Variants in EYA1 observed in about 807,000 individuals in gnomAD.
EYA1 encodes the protein protein phosphatase EYA1.
Under a neutral mutation model 82.0 loss-of-function variants are expected in EYA1, and 16 were observed. That is an observed-to-expected ratio of 0.20 (90% CI 0.13 to 0.30). EYA1 has a LOEUF of 0.30. Among genes scored for constraint, EYA1 ranks in the 10% least tolerant of loss-of-function variants. The pLI is 1.00. For missense variants in EYA1, 633 were observed against 730.7 expected (o/e 0.87, Z 1.54); for synonymous variants, 261 against 264.4 (o/e 0.99, Z 0.12).
intron 9 of EYA1, among the ~76,000 whole-genome samples, chr8:71,272,913 C>T (rs1816718309): frequency 6.6e-6 from 1 of 152,182 alleles, no homozygotes; most frequent in Admixed American, 6.5e-5. Context: ...GTCTATTTCA[C>T]TAAACAGAAA....
chr8:71,251,875 T>C (rs1246084126), intron 11 of EYA1, among the ~76,000 whole-genome samples: 2 of 152,110 alleles, frequency 1.3e-5, no homozygotes, highest in East Asian at 3.9e-4. Context: ...TAGATCTTGA[T>C]TAAAATGTTA....
intron 12 of EYA1, among the ~76,000 whole-genome samples, chr8:71,221,287 C>T (rs1809876457): frequency 6.7e-6 from 1 of 148,738 alleles, no homozygotes; most frequent in Admixed American, 6.7e-5. Flanking sequence ...CATGCTGGAC[C>T]TCTACCTTCA....
intron 17 of EYA1, among the ~76,000 whole-genome samples, chr8:71,202,746 T>G (rs1205492046): frequency 2.0e-5 from 3 of 152,194 alleles, no homozygotes; most frequent in Admixed American, 2.0e-4. Context: ...CTGCATTCTT[T>G]CATGGCATGC....
intron 3 of EYA1, among the ~76,000 whole-genome samples, chr8:71,342,688 A>AATAT (rs931765468): frequency 6.6e-6 from 1 of 152,178 alleles, no homozygotes; most frequent in Admixed American, 6.6e-5. Context: ...GAAAGAGTTA[A>AATAT]ATATATATGT....
intron 9 of EYA1, among the ~76,000 whole-genome samples, chr8:71,287,590 A>G (rs1818526951): frequency 1.3e-5 from 2 of 152,222 alleles, no homozygotes; most frequent in South Asian, 4.1e-4. Flanking sequence ...TACACATTTC[A>G]ACCACTGGTT....
chr8:71,525,724 T>A (rs990542916), intron 2 of EYA1, among the ~76,000 whole-genome samples: 2 of 152,218 alleles, frequency 1.3e-5, no homozygotes, highest in African/African-American at 2.4e-5. Context: ...GTTACCTTCA[T>A]GAAACCTGGC....
intron 3 of EYA1, among the ~76,000 whole-genome samples, chr8:71,343,570 G>C (rs1825389027): frequency 6.6e-6 from 1 of 152,140 alleles, no homozygotes; most frequent in Non-Finnish European, 1.5e-5. Flanking sequence ...GTGACACTCT[G>C]TGCCACCTTG....
intron 4 of EYA1, among the ~76,000 whole-genome samples, chr8:71,329,467 C>T (rs1167247644): frequency 6.6e-6 from 1 of 152,142 alleles, no homozygotes. Context: ...TCTTCATTAG[C>T]TCCAGCCTTG....
At chr8:71,476,048 C>T (rs1809634767) in intron 2 of EYA1, among the ~76,000 whole-genome samples, 1 of 152,086 alleles carries the variant, frequency 6.6e-6, no homozygotes, top group Admixed American at 6.6e-5. Context: ...TTATTTGAAA[C>T]CTCATGTTGA....
chr8:71,419,017 C>T (rs1157269831), intron 2 of EYA1, among the ~76,000 whole-genome samples: 2 of 152,000 alleles, frequency 1.3e-5, no homozygotes, highest in African/African-American at 2.4e-5. Context: ...GCAACTTAAC[C>T]AAAGGAGGTT....
intron 12 of EYA1, among the ~76,000 whole-genome samples, chr8:71,220,146 TCCTAAAAAC>T (rs1460620739): frequency 6.6e-6 from 1 of 152,056 alleles, no homozygotes; most frequent in Non-Finnish European, 1.5e-5. Flanking sequence ...CAATATATAT[TCCTAAAAAC>T]CCTAATTTGG....
chr8:71,328,650 A>G (rs1265004044), intron 4 of EYA1, among the ~76,000 whole-genome samples: 2 of 151,990 alleles, frequency 1.3e-5, no homozygotes, highest in Admixed American at 1.3e-4. Flanking sequence ...TTGGTTTTCT[A>G]CTCTCCCATA....
At chr8:71,225,025 T>G in intron 12 of EYA1, 3 of 264,020 alleles carry the variant, frequency 1.1e-5, no homozygotes, top group Non-Finnish European at 2.3e-5. Flanking sequence ...GTACATCAAG[T>G]GTAGGCTCCG....
intron 1 of EYA1, among the ~76,000 whole-genome samples, chr8:71,357,639 C>T (rs1415422178): frequency 1.3e-5 from 2 of 152,150 alleles, no homozygotes; most frequent in South Asian, 2.1e-4. Context: ...TCCAACCAAA[C>T]GTCTTCTGTT....
intron 2 of EYA1, among the ~76,000 whole-genome samples, chr8:71,507,636 A>G (rs1812290830): frequency 6.6e-6 from 1 of 152,258 alleles, no homozygotes. Flanking sequence ...CTTGTCCATC[A>G]TAATGTCACA....
chr8:71,325,779 T>C (rs1823082020), intron 4 of EYA1, among the ~76,000 whole-genome samples: 1 of 152,228 alleles, frequency 6.6e-6, no homozygotes, highest in African/African-American at 2.4e-5. Context: ...TAAGAAGTCA[T>C]ATCTTTTGGG....
At chr8:71,254,086 C>T (rs749828699) in intron 11 of EYA1, among the ~76,000 whole-genome samples, 26 of 151,780 alleles carry the variant, frequency 1.7e-4, no homozygotes, top group Non-Finnish European at 3.2e-4. Context: ...TTTTCTTCTT[C>T]TTAGTCAACC....
intron 2 of EYA1, among the ~76,000 whole-genome samples, chr8:71,504,290 G>A (rs1446785989): frequency 6.6e-6 from 1 of 152,124 alleles, no homozygotes; most frequent in Non-Finnish European, 1.5e-5. Context: ...AAGTATAAAT[G>A]AGCTTTACTC....
intron 12 of EYA1, among the ~76,000 whole-genome samples, chr8:71,237,456 TGA>T (rs1268732485): frequency 6.6e-6 from 1 of 152,252 alleles, no homozygotes; most frequent in Admixed American, 6.5e-5. Context: ...CTTAGTTCTT[TGA>T]TTGGTTATAT....
Sources: gnomAD v4.1 joint callset for allele counts (sites outside exome capture counted in the v4.1 genomes callset) on GRCh38, gnomAD v4.1.1 for gene constraint, MANE v1.5 for transcripts, NCBI Gene and HGNC (gene_info 2026-07-23, HGNC 2026-07-21) for gene names.